The following DPYS variants were observed in gnomAD, a reference collection of about 807,000 sequenced individuals.
The protein encoded by DPYS is dihydropyrimidinase.
In DPYS, 39 loss-of-function variants were observed where a neutral mutation model predicts 50.3. The ratio of observed to expected loss-of-function variants is 0.78; its 90% CI spans 0.60 to 1.01. DPYS has a LOEUF of 1.01. Ranked by LOEUF, DPYS falls within the 50% of genes least tolerant of loss-of-function variation. The pLI, the probability that DPYS is intolerant of heterozygous loss-of-function variation, is 0.00. For synonymous variants in DPYS, 245 were observed against 250.7 expected, an observed-to-expected ratio of 0.98 and a Z score of 0.22; for missense variants, 659 against 680.9, an observed-to-expected ratio of 0.97 and a Z score of 0.36.
At chr8:104,459,127 G>A (rs960335897) in intron 1 of DPYS, among the ~76,000 whole-genome samples, 2 of 152,226 alleles carry the variant, frequency 1.3e-5, no homozygotes, top group Admixed American at 1.3e-4. Flanking sequence ...CTTGACGTGT[G>A]AGAAGAAAGC....
intron 6 of DPYS, among the ~76,000 whole-genome samples, chr8:104,426,935 C>T (rs1246750928): frequency 1.3e-5 from 2 of 152,258 alleles, no homozygotes; most frequent in South Asian, 4.1e-4. Context: ...CACGGTGGCT[C>T]ACGCCTGTCA....
intron 4 of DPYS, among the ~76,000 whole-genome samples, chr8:104,439,588 G>A (rs570961381): frequency 1.3e-5 from 2 of 152,214 alleles, no homozygotes; most frequent in Middle Eastern, 3.4e-3. Context: ...TTCAAGACCA[G>A]CTTGAACAAC....
chr8:104,430,864 C>T (rs762721074), intron 4 of DPYS, among the ~76,000 whole-genome samples: 1 of 152,158 alleles, frequency 6.6e-6, no homozygotes, highest in Non-Finnish European at 1.5e-5. Flanking sequence ...GTGACATACC[C>T]TACTGGATGA....
At chr8:104,454,853 C>T (rs561922009) in intron 1 of DPYS, among the ~76,000 whole-genome samples, 83 of 152,240 alleles carry the variant, frequency 5.5e-4, no homozygotes, top group African/African-American at 1.9e-3. Context: ...AGGACCTACA[C>T]GTGGAAGTTT....
At position 104,413,375 on chromosome 8, in the gene DPYS, T is replaced by C. The variant is rs1360029559; in HGVS notation, c.1235+10872A>G. 5.3e-5 allele frequency among the ~76,000 whole-genome samples: 8 copies of C among 151,826 alleles called. 1 individual carries two copies. In the East Asian group the frequency reaches 1.5e-3, roughly 29 times the overall value. On this transcript the variant is annotated intron_variant, in intron 7 of 9. Transcript: ENST00000351513. ...CATGCCTTAGAAATGCACCTATATATATATAGTAAATAGAAAGAAATGCAT... is the reference window on the plus strand; with the variant it reads ...CATGCCTTAGAAATGCACCTATATACATATAGTAAATAGAAAGAAATGCAT...
intron 7 of DPYS, chr8:104,423,995 AATTC>A: frequency 1.0e-6 from 1 of 985,410 alleles, no homozygotes; most frequent in Non-Finnish European, 1.2e-6. Context: ...TGAAGTGGTA[AATTC>A]ATATTGGTTT....
At chr8:104,462,391 G>A (rs1304688376) in intron 1 of DPYS, among the ~76,000 whole-genome samples, 1 of 152,154 alleles carries the variant, frequency 6.6e-6, no homozygotes, top group Non-Finnish European at 1.5e-5. Context: ...AATGTGTGGT[G>A]TGCTTAATCA....
chr8:104,398,029 G>A (rs781152243), intron 7 of DPYS, among the ~76,000 whole-genome samples: 13 of 152,212 alleles, frequency 8.5e-5, no homozygotes, highest in Admixed American at 2.6e-4. Context: ...TGGAACAAAC[G>A]CAAGTTCAGA....
chr8:104,434,268 A>G (rs941815826), intron 4 of DPYS, among the ~76,000 whole-genome samples: 1 of 152,346 alleles, frequency 6.6e-6, no homozygotes, highest in South Asian at 2.1e-4. Context: ...TATCATGCAG[A>G]TGAAGCCTCC....
At position 104,466,698 on chromosome 8, in the gene DPYS, T is replaced by C. The variant is rs1365809514; in HGVS notation, c.223A>G (p.Met75Val). 2.0e-6 allele frequency: 3 copies of C among 1,530,920 alleles called. No individual in the cohort carries two copies. Among genetic ancestry groups the C allele is most frequent in the African/African-American group, 1.4e-5 (1 of 71,402 alleles). 94.8% of individuals were successfully genotyped at this position (1,530,920 alleles called of 1,614,324 possible). ...DTHTHMQFPF[M>V]GSRSIDDFHQ... ...AAGTCGTCGATGGACCGCGAGCCCA[T>C]GAAGGGGAACTGCATGTGCGTGTGT... is the stretch of plus-strand genomic sequence containing the variant. Residue 75 changes from methionine (M) to valine (V), a missense_variant, in exon 1 of 10, where the codon ATG becomes GTG. Met to Val is a conservative substitution (Grantham distance 21). Transcript: ENST00000351513.
intron 5 of DPYS, among the ~76,000 whole-genome samples, chr8:104,428,438 TAGTC>T (rs1277166677): frequency 6.6e-6 from 1 of 152,226 alleles, no homozygotes; most frequent in Non-Finnish European, 1.5e-5. Flanking sequence ...TAGAAATGAA[TAGTC>T]ACATGTACTT....
rs570006862 is a variant in DPYS, at chr8:104,466,047, AT to A, written c.264+609del. 6.3e-3 allele frequency among the ~76,000 whole-genome samples: 841 copies of A among 133,330 alleles called. 6 individuals carry two copies. The highest frequency in any genetic ancestry group is 0.014 in the Admixed American group (179 of 12,382). 87.5% of individuals were successfully genotyped at this position (133,330 alleles called of 152,430 possible). On this transcript the variant is annotated intron_variant, in intron 1 of 9. Transcript: ENST00000351513. ...TCTTCTAAACCCTGGTCGGGGCTAT[AT>A]TTTTTCTACTGGGGGTGGGAGTGGG...
At chr8:104,460,057 C>A (rs541967313) in intron 1 of DPYS, among the ~76,000 whole-genome samples, 15 of 152,116 alleles carry the variant, frequency 9.9e-5, no homozygotes, top group South Asian at 6.2e-4. Context: ...TTTAATTTGT[C>A]TTTTCTTTTG....
chr8:104,435,740 A>C (rs1239309722), intron 4 of DPYS, among the ~76,000 whole-genome samples: 2 of 152,144 alleles, frequency 1.3e-5, no homozygotes, highest in Non-Finnish European at 2.9e-5. Flanking sequence ...CTTTGGATGC[A>C]CTGAATATTG....
At chr8:104,396,278 C>T (rs1002952204) in intron 7 of DPYS, among the ~76,000 whole-genome samples, 2 of 151,902 alleles carry the variant, frequency 1.3e-5, no homozygotes, top group Non-Finnish European at 2.9e-5. Context: ...GATTTTTGGA[C>T]TGATGCATTA....
At chr8:104,432,941 T>G (rs559456920) in intron 4 of DPYS, among the ~76,000 whole-genome samples, 2 of 152,310 alleles carry the variant, frequency 1.3e-5, no homozygotes, top group East Asian at 3.9e-4. Context: ...TAACTGTATT[T>G]GGAAAAAGGA....
intron 7 of DPYS, 54 bp from the exon 8 acceptor site, chr8:104,393,045 A>G: frequency 6.7e-7 from 1 of 1,503,740 alleles, no homozygotes; most frequent in Non-Finnish European, 9.2e-7. Flanking sequence ...CTCACTTGAT[A>G]AATATAAAAT....
At chr8:104,414,479 T>C (rs1207617409) in intron 7 of DPYS, among the ~76,000 whole-genome samples, 3 of 152,108 alleles carry the variant, frequency 2.0e-5, no homozygotes, top group African/African-American at 4.8e-5. Context: ...CCAGAAACCA[T>C]GCTTTGAGAA....
intron 7 of DPYS, among the ~76,000 whole-genome samples, chr8:104,405,806 C>T (rs1225023546): frequency 2.0e-5 from 3 of 152,194 alleles, no homozygotes; most frequent in Admixed American, 6.5e-5. Flanking sequence ...CCAGGGAGCA[C>T]GCCTGAGGAC....
Sources: gnomAD v4.1 joint callset for allele counts (sites outside exome capture counted in the v4.1 genomes callset) on GRCh38, gnomAD v4.1.1 for gene constraint, MANE v1.5 for transcripts, NCBI Gene and HGNC (gene_info 2026-07-23, HGNC 2026-07-21) for gene names.